ANKRD30B: variants seen among roughly 807,000 people sequenced by gnomAD.
The protein encoded by ANKRD30B is ankyrin repeat domain-containing protein 30B.
A neutral mutation model predicts 202.2 loss-of-function variants in ANKRD30B; 144 were observed. That is an observed-to-expected ratio of 0.71 (90% CI 0.62 to 0.82). ANKRD30B has a LOEUF of 0.82. ANKRD30B is among the 40% of genes least tolerant of loss of function. The pLI is 0.00. For missense variants in ANKRD30B, 1,487 were observed against 1,669.1 expected (o/e 0.89, Z 1.90); for synonymous variants, 508 against 561.3 (o/e 0.91, Z 1.34).
chr18:14,889,298 T>C, the ANKRD30B span, among the ~76,000 whole-genome samples: 4 of 152,136 alleles, frequency 2.6e-5, no homozygotes, highest in Admixed American at 2.6e-4. Context: ...GGTGAGAGAC[T>C]TGTTTCATAA....
At chr18:14,855,891 C>G (rs1713894), downstream of ANKRD30B, among the ~76,000 whole-genome samples, 1 of 143,350 alleles carries the variant, frequency 7.0e-6, no homozygotes, top group Non-Finnish European at 1.5e-5. Context: ...ACTTCCCAGA[C>G]GGGGCGGCTG....
rs1912793344 is a variant in ANKRD30B, at chr18:14,748,303, C to A, written c.-117C>A. On this transcript the variant is annotated 5_prime_UTR_variant, in exon 1 of 44. Transcript: ENST00000690538. ...GGCGGGTGCGGGAACTGAAGACGGG[C>A]GAGTGCGAGCCGGGGGCGGGTGCTG... 1.3e-6 allele frequency: 1 copy of A among 799,364 alleles called. No homozygotes were observed. The highest frequency in any genetic ancestry group is 1.9e-6 in the Non-Finnish European group (1 of 539,618). 49.5% of individuals were successfully genotyped at this position (799,364 alleles called of 1,614,324 possible).
chr18:14,864,897 GCT>G, the ANKRD30B span, among the ~76,000 whole-genome samples: 1 of 150,836 alleles, frequency 6.6e-6, no homozygotes, highest in South Asian at 2.1e-4. Context: ...TGCTCACCAC[GCT>G]CTTTTAACCC....
intron 34 of ANKRD30B, among the ~76,000 whole-genome samples, chr18:14,836,818 T>G: frequency 6.6e-6 from 1 of 151,774 alleles, no homozygotes; most frequent in Non-Finnish European, 1.5e-5. Flanking sequence ...GCACCTAGAG[T>G]CTTTGTATCC....
chr18:14,792,477 G>A (rs562645633), intron 16 of ANKRD30B, among the ~76,000 whole-genome samples: 16 of 152,068 alleles, frequency 1.1e-4, no homozygotes, highest in African/African-American at 3.4e-4. Flanking sequence ...AAGAGCACAA[G>A]TCTAGAGATT....
the ANKRD30B span, among the ~76,000 whole-genome samples, chr18:14,875,374 T>G: frequency 2.6e-5 from 4 of 152,310 alleles, no homozygotes; most frequent in Middle Eastern, 3.4e-3. Flanking sequence ...GAGATGCCCC[T>G]GCCCAGGACC....
chr18:14,893,685 A>G, the ANKRD30B span, among the ~76,000 whole-genome samples: 3 of 152,112 alleles, frequency 2.0e-5, no homozygotes, highest in Non-Finnish European at 2.9e-5. Flanking sequence ...CTCAGAAAGC[A>G]TAATAGAAAA....
At chr18:14,774,187 T>G (rs1967204130) in intron 9 of ANKRD30B, among the ~76,000 whole-genome samples, 1 of 152,162 alleles carries the variant, frequency 6.6e-6, no homozygotes, top group African/African-American at 2.4e-5. Flanking sequence ...TATTAACAAA[T>G]AACTAATTGT....
the ANKRD30B span, among the ~76,000 whole-genome samples, chr18:14,870,333 G>T: frequency 6.6e-6 from 1 of 152,218 alleles, no homozygotes; most frequent in Non-Finnish European, 1.5e-5. Context: ...GTCTGGGCAA[G>T]GTTTGCTGGG....
chr18:14,840,736 A>T, intron 37 of ANKRD30B, 58 bp downstream of exon 37: 1 of 966,224 alleles, frequency 1.0e-6, no homozygotes, highest in Admixed American at 2.6e-5. Context: ...TCAAAGCATG[A>T]GGACTGATAT....
At chr18:14,753,374 T>C (rs1323824753) in intron 3 of ANKRD30B, among the ~76,000 whole-genome samples, 1 of 152,180 alleles carries the variant, frequency 6.6e-6, no homozygotes, top group African/African-American at 2.4e-5. Flanking sequence ...AAATCTGGAT[T>C]TCCTCTTAAA....
intron 36 of ANKRD30B, among the ~76,000 whole-genome samples, chr18:14,839,700 C>T (rs925820619): frequency 2.6e-5 from 4 of 151,860 alleles, no homozygotes; most frequent in African/African-American, 9.7e-5. Context: ...ATAAATTTTC[C>T]TTATGAATCT....
intron 28 of ANKRD30B, among the ~76,000 whole-genome samples, chr18:14,810,846 G>T (rs1297991704): frequency 6.6e-6 from 1 of 151,228 alleles, no homozygotes; most frequent in Non-Finnish European, 1.5e-5. Context: ...GTGCATGGTG[G>T]CACATGCCTG....
chr18:14,818,795 T>C (rs1204221136), intron 30 of ANKRD30B, among the ~76,000 whole-genome samples: 1 of 152,098 alleles, frequency 6.6e-6, no homozygotes, highest in African/African-American at 2.4e-5. Context: ...AAGTCTTTGC[T>C]ATTGTGAATA....
the ANKRD30B span, among the ~76,000 whole-genome samples, chr18:14,877,115 A>G: frequency 1.3e-5 from 2 of 152,228 alleles, no homozygotes; most frequent in African/African-American, 2.4e-5. Context: ...AGGCAAAACC[A>G]CAGGAGCAGT....
At chr18:14,819,744 C>G (rs1228347536) in intron 30 of ANKRD30B, among the ~76,000 whole-genome samples, 1 of 152,076 alleles carries the variant, frequency 6.6e-6, no homozygotes, top group Non-Finnish European at 1.5e-5. Context: ...GTACCAGTAC[C>G]ATGCTGTTTT....
the ANKRD30B span, among the ~76,000 whole-genome samples, chr18:14,920,176 A>T: frequency 6.6e-6 from 1 of 152,188 alleles, no homozygotes; most frequent in Non-Finnish European, 1.5e-5. Flanking sequence ...CTCCTTGTTC[A>T]TTCATTTATT....
chr18:14,818,765 T>G (rs138228677), intron 30 of ANKRD30B, among the ~76,000 whole-genome samples: 1,609 of 152,264 alleles, frequency 0.011, 15 homozygotes, highest in Admixed American at 0.017. Context: ...CTATCATTGT[T>G]GGATATTTGG....
the ANKRD30B span, among the ~76,000 whole-genome samples, chr18:14,865,393 CT>C: frequency 6.6e-6 from 1 of 151,500 alleles, no homozygotes; most frequent in Non-Finnish European, 1.5e-5. Flanking sequence ...CTTTTCCCCC[CT>C]CCATCTACTC....
Sources: gnomAD v4.1 joint callset for allele counts (sites outside exome capture counted in the v4.1 genomes callset) on GRCh38, gnomAD v4.1.1 for gene constraint, MANE v1.5 for transcripts, NCBI Gene and HGNC (gene_info 2026-07-23, HGNC 2026-07-21) for gene names.